Variants in CCDC91 observed in about 807,000 individuals in gnomAD.
CCDC91 encodes the protein coiled-coil domain containing 91.
A neutral mutation model predicts 63.2 loss-of-function variants in CCDC91; 48 were observed. The ratio of observed to expected loss-of-function variants is 0.76; its 90% confidence interval spans 0.60 to 0.97. The LOEUF is 0.97. Among genes scored for constraint, CCDC91 ranks in the 50% least tolerant of loss-of-function variants. The probability of loss-of-function intolerance (pLI) is 0.00; values close to 1 mark genes in which losing one functional copy is unlikely to be tolerated. For missense variants in CCDC91, 500 were observed against 494.6 expected, an observed-to-expected ratio of 1.01 and a Z score of -0.10; for synonymous variants, 167 against 165.8, an observed-to-expected ratio of 1.01 and a Z score of -0.06.
chr12:28,348,397 G>C (rs775084177), intron 6 of CCDC91, among the ~76,000 whole-genome samples: 1 of 152,106 alleles, frequency 6.6e-6, no homozygotes, highest in East Asian at 1.9e-4. Flanking sequence ...TGCAGTGCCC[G>C]CGTACCCACT....
intron 12 of CCDC91, among the ~76,000 whole-genome samples, chr12:28,493,280 T>A (rs1306542785): frequency 6.6e-6 from 1 of 151,716 alleles, no homozygotes; most frequent in South Asian, 2.1e-4. Flanking sequence ...GATTGTAGGA[T>A]CTACCTTGGT....
intron 12 of CCDC91, among the ~76,000 whole-genome samples, chr12:28,518,713 A>G (rs921546348): frequency 6.6e-6 from 1 of 152,000 alleles, no homozygotes. Context: ...GTTCTTGGTC[A>G]TGAAATCCTT....
chr12:28,505,385 T>C (rs929653088), intron 12 of CCDC91: 1 of 151,788 alleles, frequency 6.6e-6, no homozygotes, highest in Non-Finnish European at 1.5e-5. Flanking sequence ...ACTCAGAGAA[T>C]TGAGTTTCGT....
chr12:28,377,610 G>A (rs547097112), intron 7 of CCDC91, among the ~76,000 whole-genome samples: 6 of 151,886 alleles, frequency 4.0e-5, no homozygotes, highest in Non-Finnish European at 8.8e-5. Context: ...CATTCATTTT[G>A]AAACCAGAAG....
intron 6 of CCDC91, among the ~76,000 whole-genome samples, chr12:28,330,065 G>T (rs1239322135): frequency 6.6e-6 from 1 of 152,134 alleles, no homozygotes; most frequent in Non-Finnish European, 1.5e-5. Flanking sequence ...GAATAGTGCT[G>T]CAGTAAACAT....
chr12:28,292,153 T>C (rs988496413), intron 3 of CCDC91, among the ~76,000 whole-genome samples: 3 of 152,210 alleles, frequency 2.0e-5, no homozygotes, highest in Non-Finnish European at 4.4e-5. Flanking sequence ...GCAGGTAATA[T>C]GTCATCAGCA....
At chr12:28,310,420 G>A (rs1166863951) in intron 6 of CCDC91, among the ~76,000 whole-genome samples, 3 of 152,018 alleles carry the variant, frequency 2.0e-5, no homozygotes, top group African/African-American at 7.2e-5. Flanking sequence ...GATAATCTAG[G>A]AGTGATGACT....
At position 28,419,427 on chromosome 12, in the gene CCDC91, A is replaced by G. The variant is rs115055478; in HGVS notation, c.762+28016A>G. Among the ~76,000 whole-genome samples, 704 of 152,300 alleles carry G rather than the reference A, an allele frequency of 4.6e-3. 8 individuals are homozygous for G. Among genetic ancestry groups the G allele is most frequent in the African/African-American group, 0.014 (586 of 41,568 alleles). ...AGATTGGATTTAAAAGCAAAATTCA[A>G]TCATTACTTATAAGAGTCATAAAAA... On this transcript the variant is annotated intron_variant, in intron 8 of 12. Coordinates refer to ENST00000536442, the MANE Select transcript of CCDC91 (RefSeq NM_018318.5).
chr12:28,197,582 A>G lies in CCDC91; in HGVS notation c.-15+6941A>G, dbSNP rs555324849. 5.9e-5 allele frequency among the ~76,000 whole-genome samples: 9 copies of G among 152,246 alleles called. No individual in the cohort carries two copies. In the East Asian group the frequency reaches 1.7e-3, roughly 29 times the overall value. ...CAAACTTACCTAAGGTTGTATTAAT[A>G]GTAAGTGGTAGAGCTTGAGTTTGTT... On this transcript the variant is annotated intron_variant, in intron 1 of 12. Transcript: ENST00000536442.
intron 12 of CCDC91, among the ~76,000 whole-genome samples, chr12:28,527,672 T>C (rs1219131367): frequency 6.6e-6 from 1 of 152,182 alleles, no homozygotes; most frequent in African/African-American, 2.4e-5. Context: ...CAAGAGTATA[T>C]GCCCATTGTC....
intron 11 of CCDC91, among the ~76,000 whole-genome samples, chr12:28,479,440 A>G (rs761899090): frequency 9.9e-5 from 15 of 151,944 alleles, no homozygotes; most frequent in Admixed American, 6.6e-5. Context: ...CATGATGGGG[A>G]TCATCACACA....
chr12:28,265,042 C>T (rs1243440988), intron 3 of CCDC91, among the ~76,000 whole-genome samples: 1 of 151,952 alleles, frequency 6.6e-6, no homozygotes, highest in Non-Finnish European at 1.5e-5. Flanking sequence ...ATAGCAGCTA[C>T]ATGAAAAGAA....
At chr12:28,321,040 T>C (rs1408471258) in intron 6 of CCDC91, among the ~76,000 whole-genome samples, 1 of 151,892 alleles carries the variant, frequency 6.6e-6, no homozygotes, top group Non-Finnish European at 1.5e-5. Flanking sequence ...AGAAATCTAC[T>C]ATGTAAAACT....
intron 8 of CCDC91, among the ~76,000 whole-genome samples, chr12:28,392,113 G>A (rs184153277): frequency 9.2e-5 from 14 of 152,188 alleles, no homozygotes; most frequent in Admixed American, 8.5e-4. Flanking sequence ...TCTCAAGATT[G>A]GGGTCAGTTC....
chr12:28,327,350 C>A (rs1011386358), intron 6 of CCDC91, among the ~76,000 whole-genome samples: 1 of 152,124 alleles, frequency 6.6e-6, no homozygotes, highest in African/African-American at 2.4e-5. Context: ...TATGCATGTT[C>A]AACATGGTGG....
chr12:28,352,549 T>G (rs1404757140), intron 6 of CCDC91, among the ~76,000 whole-genome samples: 2 of 152,240 alleles, frequency 1.3e-5, no homozygotes, highest in African/African-American at 4.8e-5. Flanking sequence ...CCACTTTCTT[T>G]GTTTGTTCCT....
chr12:28,239,381 T>G (rs1434198565), intron 1 of CCDC91, among the ~76,000 whole-genome samples: 1 of 152,054 alleles, frequency 6.6e-6, no homozygotes, highest in African/African-American at 2.4e-5. Flanking sequence ...ATTTATGTGT[T>G]TATGTATAAA....
chr12:28,442,421 A>G (rs1949273960), intron 8 of CCDC91, among the ~76,000 whole-genome samples: 1 of 152,102 alleles, frequency 6.6e-6, no homozygotes, highest in South Asian at 2.1e-4. Flanking sequence ...ATTTGAATTC[A>G]CAGTGTCATT....
chr12:28,269,921 A>T (rs1474910199), intron 3 of CCDC91, among the ~76,000 whole-genome samples: 1 of 151,982 alleles, frequency 6.6e-6, no homozygotes, highest in Non-Finnish European at 1.5e-5. Flanking sequence ...TTTAGTCCCA[A>T]TTCTGATTTT....
Sources: allele counts gnomAD v4.1 joint callset (sites outside exome capture counted in the v4.1 genomes callset), GRCh38; gene constraint gnomAD v4.1.1; transcripts MANE v1.5; gene names NCBI Gene and HGNC (gene_info 2026-07-23, HGNC 2026-07-21).